The following DSG3 variants were observed in gnomAD, a reference collection of about 807,000 sequenced individuals.
The protein encoded by DSG3 is desmoglein-3.
DSG3 carries 63 observed loss-of-function variants against 85.9 expected under a neutral mutation model. That is an observed-to-expected ratio of 0.73 (90% CI 0.60 to 0.90). The LOEUF (loss-of-function observed/expected upper bound fraction) is 0.90. Among genes scored for constraint, DSG3 ranks in the 40% least tolerant of loss-of-function variants. The pLI is 0.00. For synonymous variants in DSG3, 447 were observed against 441.9 expected, an observed-to-expected ratio of 1.01 and a Z score of -0.14; for missense variants, 1,220 against 1,219.9, an observed-to-expected ratio of 1.00 and a Z score of 0.00.
In DSG3 at chr18:31,472,770, G is replaced by A. The variant is rs781038848; in HGVS notation, c.2083G>A (p.Asp695Asn). 2.1e-5 allele frequency: 34 copies of A among 1,613,864 alleles called. No homozygotes were observed. The highest frequency in any genetic ancestry group is 5.5e-5 in the South Asian group (5 of 91,064). The part of the protein sequence containing the change: ...CVPPVTANGA[D>N]FMESSEVCTN... ...GCCTCCTGTAACAGCCAATGGAGCC[G>A]ATTTCATGGAAAGTTCTGGTAAGTG... Residue 695 changes from aspartate (D) to asparagine (N), a missense_variant, in exon 14 of 16, where the codon GAT becomes AAT. Transcript: ENST00000257189.
intron 15 of DSG3, among the ~76,000 whole-genome samples, chr18:31,475,268 C>A (rs1291324446): frequency 2.0e-5 from 3 of 152,016 alleles, no homozygotes; most frequent in African/African-American, 7.2e-5. Context: ...AAGGTCTGAC[C>A]TAGTATCCAA....
intron 8 of DSG3, among the ~76,000 whole-genome samples, chr18:31,462,396 T>C (rs2072792367): frequency 6.6e-6 from 1 of 152,214 alleles, no homozygotes; most frequent in Admixed American, 6.5e-5. Flanking sequence ...TTGGATTCTA[T>C]GAGAGCGTCC....
Position 31,460,912 on chromosome 18 carries a change from T to C in DSG3, c.764T>C (p.Ile255Thr). 1 of 1,604,926 alleles carries C rather than the reference T, an allele frequency of 6.2e-7. No homozygotes were observed. The highest frequency in any genetic ancestry group is 8.5e-7 in the Non-Finnish European group (1 of 1,177,330). The change falls in exon 7 of 16, where the codon ATT becomes ACT. Residue 255 changes from isoleucine (I) to threonine (T), a missense_variant. Ile to Thr is a moderately conservative substitution (Grantham distance 89, BLOSUM62 -1). Transcript: ENST00000257189. ...EGLSTQCECN[I>T]KVKDVNDNFP... ...CTATCAACTCAATGTGAATGTAATA[T>C]TAAAGTGAAAGATGTCAACGATAAC...
rs2072895214 is a variant in DSG3, at chr18:31,477,296, T to A, written c.*1036T>A. 1 of 152,246 alleles carries A rather than the reference T, an allele frequency of 6.6e-6. No homozygotes were observed. Among genetic ancestry groups the A allele is most frequent in the Admixed American group, 6.5e-5 (1 of 15,284 alleles). The allele number at this position is 152,246 out of a possible 1,614,324, so 9.4% of individuals were successfully genotyped here. On this transcript the variant is annotated 3_prime_UTR_variant, in exon 16 of 16. Coordinates refer to ENST00000257189, the MANE Select transcript of DSG3 (RefSeq NM_001944.3). ...TACACTGAGCTCCTTCCTACACGTCTCAGTAACAGATCCTGTGTTAGTCTT... is the reference window on the plus strand; with the variant it reads ...TACACTGAGCTCCTTCCTACACGTCACAGTAACAGATCCTGTGTTAGTCTT...
intron 1 of DSG3, among the ~76,000 whole-genome samples, chr18:31,452,338 G>A (rs910507173): frequency 6.6e-6 from 1 of 152,006 alleles, no homozygotes; most frequent in African/African-American, 2.4e-5. Flanking sequence ...GGCCAACATG[G>A]TGAAGCCTCA....
intron 6 of DSG3, 64 bp from the exon 7 acceptor site, chr18:31,460,769 A>G: frequency 7.3e-7 from 1 of 1,368,146 alleles, no homozygotes; most frequent in South Asian, 1.4e-5. Context: ...CATAGGAATC[A>G]AGTAGTTTCC....
chr18:31,470,864 G>A lies in DSG3; in HGVS notation c.1898-1420G>A, dbSNP rs115040291. The stretch of plus-strand genomic sequence containing the variant: ...TCACACAGCCTTCGAAGGCTAAAGC[G>A]CGGGGAAATTGTGGAAAGTGAAGGA... On this transcript the variant is annotated intron_variant, in intron 12 of 15. Coordinates refer to ENST00000257189, the MANE Select transcript of DSG3 (RefSeq NM_001944.3). Among the ~76,000 whole-genome samples, 138 of 152,252 alleles carry A rather than the reference G, an allele frequency of 9.1e-4. No homozygotes were observed. The East Asian group carries it at 0.016, about 17-fold the overall frequency.
chr18:31,469,175 C>A lies in DSG3; in HGVS notation c.1723C>A (p.Arg575=), dbSNP rs61730311. The change falls in exon 12 of 16, where the codon CGG becomes AGG. Residue 575 remains arginine, a synonymous_variant. Transcript: ENST00000257189. The part of the protein sequence containing the change: ...SLVLTDSQNN[R]CEMPRSLTLE... Reference sequence around the variant, plus strand: ...GGTACTTACAGACAGTCAGAACAATCGGTGTGAGATGCCACGCAGCTTGAC... The same window carrying A: ...GGTACTTACAGACAGTCAGAACAATAGGTGTGAGATGCCACGCAGCTTGAC... The A allele has an allele frequency of 3.1e-6, 5 of 1,614,146 alleles. No homozygotes were observed. The highest frequency in any genetic ancestry group is 4.2e-6 in the Non-Finnish European group (5 of 1,180,038).
At chr18:31,465,182 T>G (rs1384871495) in intron 9 of DSG3, 136 bp from the exon 10 acceptor site, 1 of 611,678 alleles carries the variant, frequency 1.6e-6, no homozygotes, top group Non-Finnish European at 2.4e-6. Context: ...AATTTTCTGT[T>G]GCTTTTTATA....
intron 2 of DSG3, 70 bp downstream of exon 2, chr18:31,456,545 G>T (rs1297467563): frequency 1.2e-6 from 1 of 827,828 alleles, no homozygotes; most frequent in East Asian, 3.4e-5. Context: ...ATTGTGTTTA[G>T]TAGAAATGAA....
chr18:31,472,826 T>C lies in DSG3; in HGVS notation c.2101+38T>C, dbSNP rs1417695099. On this transcript the variant is annotated intron_variant, in intron 14 of 15. Coordinates refer to ENST00000257189, the MANE Select transcript of DSG3 (RefSeq NM_001944.3). ...AAAATGTTTGAAAGCAATGGTGAGT[T>C]AAGTGGTAAATATTAAAAAATAAGA... 6 of 1,572,266 alleles carry C rather than the reference T, an allele frequency of 3.8e-6. No homozygotes were observed. In the South Asian group the frequency reaches 6.7e-5, roughly 17 times the overall value.
In DSG3 at chr18:31,457,019, G is replaced by A; in HGVS notation, c.111G>A (p.Glu37=). ...CTAAAGGTCAATATGATGAAGAAGAGATGACTATGCAACAAGCTAAAAGAA... is the reference window on the plus strand; with the variant it reads ...CTAAAGGTCAATATGATGAAGAAGAAATGACTATGCAACAAGCTAAAAGAA... ...IETKGQYDEE[E]MTMQQAKRRQ... The change falls in exon 3 of 16, where the codon GAG becomes GAA. Residue 37 remains glutamate, a synonymous_variant. Transcript: ENST00000257189. 1.2e-6 allele frequency: 2 copies of A among 1,612,726 alleles called. No individual in the cohort carries two copies. Among genetic ancestry groups the A allele is most frequent in the Non-Finnish European group, 1.7e-6 (2 of 1,179,362 alleles).
At chr18:31,464,891 C>T (rs1297367978) in intron 9 of DSG3, among the ~76,000 whole-genome samples, 1 of 151,992 alleles carries the variant, frequency 6.6e-6, no homozygotes, top group Non-Finnish European at 1.5e-5. Context: ...AATCCCAGCA[C>T]TTTGGGAGGC....
intron 14 of DSG3, among the ~76,000 whole-genome samples, 191 bp downstream of exon 14, chr18:31,472,979 T>A (rs2072865171): frequency 6.6e-6 from 1 of 152,242 alleles, no homozygotes; most frequent in South Asian, 2.1e-4. Flanking sequence ...CTGGCTTCAA[T>A]AAGTTAATTT....
intron 3 of DSG3, among the ~76,000 whole-genome samples, chr18:31,458,143 C>T (rs2072760707): frequency 6.6e-6 from 1 of 152,010 alleles, no homozygotes; most frequent in Non-Finnish European, 1.5e-5. Context: ...CAGGAGTAGC[C>T]TTGTCAATAT....
rs148716637 is a variant in DSG3, at chr18:31,475,721, G to A, written c.2461G>A (p.Ala821Thr). The A allele has an allele frequency of 5.8e-5, 94 of 1,614,174 alleles. No individual in the cohort carries two copies. The highest frequency in any genetic ancestry group is 3.0e-4 in the South Asian group (27 of 91,080). ...DCLLIYDNEG[A>T]DATGSPVGSV... ...CTTGTTGATCTATGATAATGAAGGC[G>A]CAGATGCCACTGGTTCTCCTGTGGG... The change falls in exon 16 of 16, where the codon GCA becomes ACA. Residue 821 changes from alanine to threonine, a missense_variant. Ala to Thr is a moderately conservative substitution (Grantham distance 58). Transcript: ENST00000257189.
chr18:31,461,027 G>T, intron 7 of DSG3, 66 bp downstream of exon 7: 1 of 1,459,242 alleles, frequency 6.9e-7, no homozygotes, highest in Non-Finnish European at 9.1e-7. Flanking sequence ...CCTAATTCAG[G>T]ACTTGCCTGT....
At chr18:31,471,413 A>G (rs2072854661) in intron 12 of DSG3, among the ~76,000 whole-genome samples, 1 of 152,220 alleles carries the variant, frequency 6.6e-6, no homozygotes, top group African/African-American at 2.4e-5. Flanking sequence ...TACATGCCCA[A>G]CATTACATAG....
Position 31,472,938 on chromosome 18 carries a change from T to C in DSG3, c.2101+150T>C, listed in dbSNP as rs1056149242. On this transcript the variant is annotated intron_variant, in intron 14 of 15. Coordinates refer to ENST00000257189, the MANE Select transcript of DSG3 (RefSeq NM_001944.3). ...CTGAAATGGAGAAAAGCTGTTTTAA[T>C]ATTTTTATATTAGTCAATTCCCTGA... is the stretch of plus-strand genomic sequence containing the variant. 9 of 672,386 alleles carry C rather than the reference T, an allele frequency of 1.3e-5. No homozygotes were observed. The African/African-American group carries it at 1.6e-4, about 12-fold the overall frequency. The allele number at this position is 672,386 out of a possible 1,614,324, so 41.7% of individuals were successfully genotyped here.
Sources: gnomAD v4.1 joint callset for allele counts (sites outside exome capture counted in the v4.1 genomes callset) on GRCh38, gnomAD v4.1.1 for gene constraint, MANE v1.5 for transcripts, NCBI Gene and HGNC (gene_info 2026-07-23, HGNC 2026-07-21) for gene names.